TUT4: variants seen among roughly 807,000 people sequenced by gnomAD.
TUT4 encodes the protein terminal uridylyl transferase 4, also known as terminal uridylyltransferase 4.
Under a neutral mutation model 192.2 loss-of-function variants are expected in TUT4, and 36 were observed. The ratio of observed to expected loss-of-function variants is 0.19; its 90% CI spans 0.14 to 0.25. TUT4 has a LOEUF of 0.25. Ranked by LOEUF, TUT4 falls within the 10% of genes least tolerant of loss-of-function variation. The probability of loss-of-function intolerance (pLI) is 1.00; values close to 1 mark genes in which losing one functional copy is unlikely to be tolerated. For synonymous variants in TUT4, 618 were observed against 666.0 expected (o/e 0.93, Z 1.11); for missense variants, 1,493 against 1,957.2 (o/e 0.76, Z 4.47).
intron 15 of TUT4, among the ~76,000 whole-genome samples, chr1:52,467,676 T>A (rs190988716): frequency 6.6e-6 from 1 of 152,296 alleles, no homozygotes; most frequent in East Asian, 1.9e-4. Flanking sequence ...CCAACATCCA[T>A]AAGGCACTAA....
intron 2 of TUT4, among the ~76,000 whole-genome samples, chr1:52,519,409 T>C (rs1004692778): frequency 6.6e-6 from 1 of 152,188 alleles, no homozygotes; most frequent in Non-Finnish European, 1.5e-5. Flanking sequence ...AGTTTCTTTG[T>C]AGAGTGATGA....
Position 52,468,249 on chromosome 1 carries a change from C to G in TUT4, c.2897G>C (p.Cys966Ser). 2 of 1,602,306 alleles carry G rather than the reference C, an allele frequency of 1.2e-6. No individual in the cohort carries two copies. The highest frequency in any genetic ancestry group is 2.3e-5 in the East Asian group (1 of 44,278). ...TTGCTCCCTGTTGTGTTGTTCAGAACAAGGTGGTGATAACTCATCTGGGTT... is the reference window on the plus strand; with the variant it reads ...TTGCTCCCTGTTGTGTTGTTCAGAAGAAGGTGGTGATAACTCATCTGGGTT... The part of the protein sequence containing the change: ...KRCFDELSPP[C>S]SEQHNREQIL... The change falls in exon 15 of 30, where the codon TGT becomes TCT. Residue 966 changes from cysteine (C) to serine (S), a missense_variant. Physicochemically the swap from Cys to Ser is moderately radical, Grantham distance 112. Transcript: ENST00000257177.
chr1:52,463,442 T>G (rs1663173612), intron 16 of TUT4: 1 of 1,027,780 alleles, frequency 9.7e-7, no homozygotes, highest in South Asian at 3.4e-5. Context: ...AGTTAAGTCA[T>G]CACTGCCATC....
intron 19 of TUT4, among the ~76,000 whole-genome samples, chr1:52,459,844 T>C (rs1265697288): frequency 6.6e-6 from 1 of 151,802 alleles, no homozygotes; most frequent in African/African-American, 2.4e-5. Context: ...ATTGTGCCAC[T>C]GCACGCCAGC....
At chr1:52,524,005 T>C (rs1289868780) in intron 2 of TUT4, among the ~76,000 whole-genome samples, 1 of 152,200 alleles carries the variant, frequency 6.6e-6, no homozygotes, top group African/African-American at 2.4e-5. Context: ...ATAAAAGAAA[T>C]TATTTAATTT....
intron 24 of TUT4, among the ~76,000 whole-genome samples, chr1:52,439,822 T>C (rs935714896): frequency 3.9e-5 from 6 of 152,184 alleles, no homozygotes; most frequent in African/African-American, 7.2e-5. Context: ...TGCACACAAA[T>C]ATTCACAACA....
intron 4 of TUT4, among the ~76,000 whole-genome samples, chr1:52,501,569 C>T (rs1452120666): frequency 6.6e-6 from 1 of 152,092 alleles, no homozygotes; most frequent in Non-Finnish European, 1.5e-5. Context: ...AAAAACTAAA[C>T]ATGGATTTAC....
At position 52,435,455 on chromosome 1, in the gene TUT4, C is replaced by G; in HGVS notation, c.4173G>C (p.Leu1391=). The G allele has an allele frequency of 6.2e-7, 1 of 1,614,050 alleles. No individual in the cohort carries two copies. The highest frequency in any genetic ancestry group is 8.5e-7 in the Non-Finnish European group (1 of 1,179,950). Residue 1391 remains leucine (L), a synonymous_variant, in exon 27 of 30, where the codon CTG becomes CTC. Coordinates refer to ENST00000257177, the MANE Select transcript of TUT4 (RefSeq NM_001009881.3). Reference sequence around the variant, plus strand: ...GTTGAGCATTTACAAGGTTGCGGACCAGCTGGGCTGCTAAGAGAAGGCATC... The same window carrying G: ...GTTGAGCATTTACAAGGTTGCGGACGAGCTGGGCTGCTAAGAGAAGGCATC... ...QRNSSVAAAQ[L]VRNLVNAQQV...
intron 15 of TUT4, among the ~76,000 whole-genome samples, chr1:52,465,478 T>C (rs1663836080): frequency 6.6e-6 from 1 of 152,238 alleles, no homozygotes; most frequent in Non-Finnish European, 1.5e-5. Flanking sequence ...TAGCAAATAG[T>C]ACCATCATGT....
At chr1:52,466,677 TA>T (rs1299037543) in intron 15 of TUT4, among the ~76,000 whole-genome samples, 168 of 139,434 alleles carry the variant, frequency 1.2e-3, no homozygotes, top group Middle Eastern at 3.6e-3. Flanking sequence ...TATATATATA[TA>T]TATATTTTTG....
chr1:52,477,557 A>T (rs1667428655), intron 12 of TUT4, 151 bp downstream of exon 12: 1 of 762,574 alleles, frequency 1.3e-6, no homozygotes, highest in African/African-American at 1.8e-5. Flanking sequence ...ACAGGGCAAG[A>T]CCCTGTCTCT....
At chr1:52,541,931 T>C (rs1281328396) in intron 1 of TUT4, among the ~76,000 whole-genome samples, 1 of 152,158 alleles carries the variant, frequency 6.6e-6, no homozygotes, top group Non-Finnish European at 1.5e-5. Context: ...ATAGCCAAAA[T>C]GTGAAGGCAA....
intron 6 of TUT4, among the ~76,000 whole-genome samples, chr1:52,495,208 A>G (rs773194273): frequency 1.8e-4 from 27 of 152,060 alleles, no homozygotes; most frequent in Non-Finnish European, 2.8e-4. Context: ...TCCTTTTTCC[A>G]GCTTTCCTCT....
chr1:52,439,068 T>TAA lies in TUT4; in HGVS notation c.3823-735_3823-734dup, dbSNP rs984014427. 9.1e-4 allele frequency among the ~76,000 whole-genome samples: 72 copies of TAA among 79,240 alleles called. 1 individual carries two copies. The highest frequency in any genetic ancestry group is 2.6e-3 in the East Asian group (7 of 2,662). The allele number at this position is 79,240 out of a possible 152,430, so 52.0% of individuals were successfully genotyped here. ...CTGGGTGACACAGCAAGACTCCATC[T>TAA]AAAAAAAAAAAAAAAAAAAAAAAGT... On this transcript the variant is annotated intron_variant, in intron 24 of 29. Coordinates refer to ENST00000257177, the MANE Select transcript of TUT4 (RefSeq NM_001009881.3).
At chr1:52,509,771 A>T (rs913085830) in intron 3 of TUT4, 59 bp from the exon 4 acceptor site, 21 of 958,026 alleles carry the variant, frequency 2.2e-5, no homozygotes, top group Non-Finnish European at 8.5e-6. Flanking sequence ...TAAACTATTG[A>T]CTATATAAGT....
chr1:52,468,524 C>T (rs2148804787), intron 14 of TUT4: 1 of 344,570 alleles, frequency 2.9e-6, no homozygotes, highest in South Asian at 4.0e-5. Context: ...GATATATGTA[C>T]ATTTCACATG....
intron 4 of TUT4, among the ~76,000 whole-genome samples, chr1:52,508,225 G>A (rs906263498): frequency 1.3e-5 from 2 of 151,606 alleles, no homozygotes; most frequent in Non-Finnish European, 2.9e-5. Flanking sequence ...TACCTGGGAG[G>A]CTGAGGCAGG....
chr1:52,551,659 A>G lies in TUT4; in HGVS notation c.-94+1272T>C, dbSNP rs968725114. Reference sequence around the variant, plus strand: ...AGTGACATACATGAGTTCTAAGCCTAAAGAAAATTTCAGCGCGCTCGCGCG... The same window carrying G: ...AGTGACATACATGAGTTCTAAGCCTGAAGAAAATTTCAGCGCGCTCGCGCG... On this transcript the variant is annotated intron_variant, in intron 1 of 29. Coordinates refer to ENST00000257177, the MANE Select transcript of TUT4 (RefSeq NM_001009881.3). Among the ~76,000 whole-genome samples, 10 of 152,134 alleles carry G rather than the reference A, an allele frequency of 6.6e-5. No homozygotes were observed. The South Asian group carries it at 2.1e-3, about 32-fold the overall frequency.
intron 7 of TUT4, among the ~76,000 whole-genome samples, chr1:52,493,149 T>C (rs1272360168): frequency 6.6e-6 from 1 of 152,186 alleles, no homozygotes; most frequent in Non-Finnish European, 1.5e-5. Flanking sequence ...AGCAGCGCAA[T>C]CTCAGCTCAC....
Sources: gnomAD v4.1 joint callset for allele counts (sites outside exome capture counted in the v4.1 genomes callset) on GRCh38, gnomAD v4.1.1 for gene constraint, MANE v1.5 for transcripts, NCBI Gene and HGNC (gene_info 2026-07-23, HGNC 2026-07-21) for gene names.